Variants in CSMD1 observed in about 807,000 individuals in gnomAD.
CSMD1 encodes the protein CUB and Sushi multiple domains 1, also known as CUB and sushi domain-containing protein 1.
In CSMD1, 213 loss-of-function variants were observed where a neutral mutation model predicts 417.5. The observed-to-expected ratio is 0.51, with a 90% CI of 0.46 to 0.57. CSMD1 has a LOEUF of 0.57. Ranked by LOEUF, CSMD1 falls within the 20% of genes least tolerant of loss-of-function variation. The pLI is 0.00. For missense variants in CSMD1, 6,923 were observed against 4,529.7 expected, an observed-to-expected ratio of 1.53 and a Z score of -15.17; for synonymous variants, 2,862 against 1,736.8, an observed-to-expected ratio of 1.65 and a Z score of -16.11.
intron 8 of CSMD1, among the ~76,000 whole-genome samples, chr8:3,605,272 G>C (rs1801556110): frequency 6.6e-6 from 1 of 152,172 alleles, no homozygotes; most frequent in Non-Finnish European, 1.5e-5. Context: ...TTACAGGCGT[G>C]CGCCATCGCG....
intron 1 of CSMD1, among the ~76,000 whole-genome samples, chr8:4,962,521 T>C (rs1316415032): frequency 6.6e-6 from 1 of 152,170 alleles, no homozygotes; most frequent in Non-Finnish European, 1.5e-5. Flanking sequence ...TAAATTCTGT[T>C]TTTATCTTAT....
In CSMD1 at chr8:3,367,266, GGAGA is replaced by G. The variant is rs150085581; in HGVS notation, c.2900-23_2900-20del. ...TGAACTCCTGAGAAATGAAGCCGGG[GGAGA>G]GAGAGAGAGACAGAGAGAGACACAC... On this transcript the variant is annotated intron_variant, in intron 19 of 69. Transcript: ENST00000635120. 32 of 1,522,050 alleles carry G rather than the reference GGAGA, an allele frequency of 2.1e-5. No homozygotes were observed. The highest frequency in any genetic ancestry group is 5.5e-5 in the African/African-American group (4 of 72,970). 94.3% of individuals were successfully genotyped at this position (1,522,050 alleles called of 1,614,324 possible). A position where few individuals can be genotyped will look rare whatever the true frequency, so the allele number is the denominator to read the frequency against.
chr8:4,464,736 C>T (rs990502702), intron 2 of CSMD1, among the ~76,000 whole-genome samples: 1 of 152,122 alleles, frequency 6.6e-6, no homozygotes, highest in African/African-American at 2.4e-5. Flanking sequence ...ATTGGATCAT[C>T]AGCATCCGTT....
intron 3 of CSMD1, among the ~76,000 whole-genome samples, chr8:4,303,260 A>G (rs1224075808): frequency 2.6e-5 from 4 of 152,190 alleles, no homozygotes; most frequent in African/African-American, 9.7e-5. Context: ...CTCATGAAAT[A>G]TAAAAGAAAA....
intron 3 of CSMD1, among the ~76,000 whole-genome samples, chr8:4,049,992 C>A (rs1261165730): frequency 1.3e-5 from 2 of 152,182 alleles, no homozygotes; most frequent in Non-Finnish European, 2.9e-5. Flanking sequence ...TCGGACCTCC[C>A]TTGTTTTAAG....
intron 6 of CSMD1, among the ~76,000 whole-genome samples, chr8:3,715,043 C>A (rs1335629166): frequency 6.6e-6 from 1 of 152,146 alleles, no homozygotes. Context: ...TTAATAGACA[C>A]AATTACATAA....
At chr8:4,717,329 A>G (rs1808729110) in intron 1 of CSMD1, among the ~76,000 whole-genome samples, 1 of 139,900 alleles carries the variant, frequency 7.1e-6, no homozygotes, top group Non-Finnish European at 1.5e-5. Context: ...ATATATATAC[A>G]CACACACACG....
At chr8:3,361,539 C>A (rs766161307) in intron 20 of CSMD1, among the ~76,000 whole-genome samples, 1 of 150,104 alleles carries the variant, frequency 6.7e-6, no homozygotes, top group Non-Finnish European at 1.5e-5. Flanking sequence ...GTAATCCCAG[C>A]TACTCGGGAG....
chr8:4,788,554 G>C (rs1341243288), intron 1 of CSMD1: 2 of 1,371,788 alleles, frequency 1.5e-6, no homozygotes, highest in Admixed American at 2.1e-5. Context: ...CCTTGAAGCA[G>C]GCTGACAAGA....
At chr8:3,673,787 C>T (rs1196080330) in intron 7 of CSMD1, among the ~76,000 whole-genome samples, 3 of 152,162 alleles carry the variant, frequency 2.0e-5, no homozygotes, top group Non-Finnish European at 4.4e-5. Context: ...TGCAAACCTA[C>T]ACTGTGGGCA....
chr8:3,096,955 G>A lies in CSMD1; in HGVS notation c.7032C>T (p.Ser2344=), dbSNP rs974929277. The A allele has an allele frequency of 3.9e-6, 6 of 1,555,128 alleles. No homozygotes were observed. In the Admixed American group the frequency reaches 1.2e-4, roughly 30 times the overall value. The part of the protein sequence containing the change: ...SPGYPGNYFN[S]QTCSWSIKVE... ...CTTTAATACTCCAAGAGCAAGTCTG[G>A]GAGTTAAAATAATTACCCGGATACC... The change falls in exon 47 of 70, where the codon TCC becomes TCT. Residue 2344 remains serine, a synonymous_variant. Coordinates refer to ENST00000635120, the MANE Select transcript of CSMD1 (RefSeq NM_033225.6).
chr8:3,331,430 G>A (rs1333055523), intron 23 of CSMD1, among the ~76,000 whole-genome samples: 2 of 152,124 alleles, frequency 1.3e-5, no homozygotes, highest in African/African-American at 4.8e-5. Context: ...TGAAAACACA[G>A]AATGCTTATG....
At chr8:4,920,040 G>T (rs1485388694) in intron 1 of CSMD1, among the ~76,000 whole-genome samples, 1 of 152,130 alleles carries the variant, frequency 6.6e-6, no homozygotes, top group Non-Finnish European at 1.5e-5. Context: ...TGCTGCAGTA[G>T]CACAAAAGAG....
At chr8:4,366,552 A>G (rs1802084486) in intron 3 of CSMD1, among the ~76,000 whole-genome samples, 1 of 152,174 alleles carries the variant, frequency 6.6e-6, no homozygotes, top group Non-Finnish European at 1.5e-5. Context: ...ACAGCATATA[A>G]AAACGTTACT....
At chr8:4,934,488 C>A in intron 1 of CSMD1, among the ~76,000 whole-genome samples, 1 of 152,116 alleles carries the variant, frequency 6.6e-6, no homozygotes, top group East Asian at 1.9e-4. Context: ...ATAGAAAATA[C>A]GAAGAGCTTA....
At chr8:4,060,343 A>AT (rs1798907550) in intron 3 of CSMD1, among the ~76,000 whole-genome samples, 1 of 152,210 alleles carries the variant, frequency 6.6e-6, no homozygotes, top group African/African-American at 2.4e-5. Context: ...TATCATACTG[A>AT]ATGGGCCAAA....
At chr8:4,092,266 T>C (rs1230106682) in intron 3 of CSMD1, among the ~76,000 whole-genome samples, 1 of 152,134 alleles carries the variant, frequency 6.6e-6, no homozygotes, top group Non-Finnish European at 1.5e-5. Flanking sequence ...ATTAATTTGT[T>C]CCAACCAACT....
rs561425162 is a variant in CSMD1 at position 4,966,173 on chromosome 8, G to C, written c.85+28159C>G. Among the ~76,000 whole-genome samples, 68 of 145,232 alleles carry C rather than the reference G, an allele frequency of 4.7e-4. No individual in the cohort carries two copies. The South Asian group carries it at 0.015, about 31-fold the overall frequency. On this transcript the variant is annotated intron_variant, in intron 1 of 69. Coordinates refer to ENST00000635120, the MANE Select transcript of CSMD1 (RefSeq NM_033225.6). ...GAGGTAAGGAGTTCCAGACCAGCTT[G>C]GCTAACATAGTGGAAGCCCGTCTCT...
chr8:4,537,041 G>A lies in CSMD1; in HGVS notation c.302+100301C>T, dbSNP rs533644303. Reference sequence around the variant, plus strand: ...GTCTTATATTAAACATCAATAGTGGGTTATTTAAACCTGCTTAGACAATCA... The same window carrying A: ...GTCTTATATTAAACATCAATAGTGGATTATTTAAACCTGCTTAGACAATCA... On this transcript the variant is annotated intron_variant, in intron 2 of 69. Coordinates refer to ENST00000635120, the MANE Select transcript of CSMD1 (RefSeq NM_033225.6). 5.3e-5 allele frequency among the ~76,000 whole-genome samples: 8 copies of A among 152,226 alleles called. No homozygotes were observed. In the East Asian group the frequency reaches 1.5e-3, roughly 29 times the overall value.
Sources: gnomAD v4.1 joint callset for allele counts (sites outside exome capture counted in the v4.1 genomes callset) on GRCh38, gnomAD v4.1.1 for gene constraint, MANE v1.5 for transcripts, NCBI Gene and HGNC (gene_info 2026-07-23, HGNC 2026-07-21) for gene names.